The following TATDN3 variants were observed in gnomAD, a reference collection of about 807,000 sequenced individuals.
TATDN3 encodes deoxyribonuclease TATDN3.
Under a neutral mutation model 40.1 loss-of-function variants are expected in TATDN3, and 29 were observed. That is an observed-to-expected ratio of 0.72 (90% CI 0.54 to 0.99). The LOEUF (loss-of-function observed/expected upper bound fraction) is 0.99, where lower values mean the gene tolerates loss of function less well. Ranked by LOEUF, TATDN3 falls within the 50% of genes least tolerant of loss-of-function variation. The pLI, the probability that TATDN3 is intolerant of heterozygous loss-of-function variation, is 0.00. For missense variants in TATDN3, 309 were observed against 321.9 expected (o/e 0.96, Z 0.31); for synonymous variants, 105 against 117.0 (o/e 0.90, Z 0.66).
chr1:212,808,403 A>G lies in TATDN3; in HGVS notation c.600+555A>G, dbSNP rs1259770522. Reference sequence around the variant, plus strand: ...TAGGCTGTGGCTTCTTAGATAGGTCATTAAAATCGTAAGCAACCAAAGAAA... The same window carrying G: ...TAGGCTGTGGCTTCTTAGATAGGTCGTTAAAATCGTAAGCAACCAAAGAAA... On this transcript the variant is annotated intron_variant, in intron 8 of 9. Coordinates refer to ENST00000366974, the MANE Select transcript of TATDN3 (RefSeq NM_001042552.3). 2.0e-5 allele frequency among the ~76,000 whole-genome samples: 3 copies of G among 152,142 alleles called. No homozygotes were observed. In the East Asian group the frequency reaches 5.8e-4, roughly 29 times the overall value.
rs1239050908 is a variant in TATDN3, at chr1:212,816,329, T to G, written c.*1173T>G. ...ACCTATCTCTAAAAATGTAAATAAA[T>G]AAAAATCTCAAAAAAATTAAAAATC... On this transcript the variant is annotated 3_prime_UTR_variant, in exon 10 of 10. Coordinates refer to ENST00000366974, the MANE Select transcript of TATDN3 (RefSeq NM_001042552.3). 2 of 152,200 alleles carry G rather than the reference T, an allele frequency of 1.3e-5. No homozygotes were observed. The highest frequency in any genetic ancestry group is 4.8e-5 in the African/African-American group (2 of 41,506). The allele number at this position is 152,200 out of a possible 1,614,324, so 9.4% of individuals were successfully genotyped here.
chr1:212,815,244 A>AGAAG lies in TATDN3; in HGVS notation c.*89_*92dup. Reference sequence around the variant, plus strand: ...TGTTCTGATGAAGAATCTGAACTGAAGAAGCTGTTTTATAGGGTTATAGAA... The same window carrying AGAAG: ...TGTTCTGATGAAGAATCTGAACTGAAGAAGGAAGCTGTTTTATAGGGTTATAGAA... On this transcript the variant is annotated 3_prime_UTR_variant, in exon 10 of 10. Coordinates refer to ENST00000366974, the MANE Select transcript of TATDN3 (RefSeq NM_001042552.3). 1 of 1,440,038 alleles carries AGAAG rather than the reference A, an allele frequency of 6.9e-7. No homozygotes were observed. The highest frequency in any genetic ancestry group is 9.3e-7 in the Non-Finnish European group (1 of 1,074,912). The allele number at this position is 1,440,038 out of a possible 1,614,324, so 89.2% of individuals were successfully genotyped here.
At chr1:212,799,772 C>G (rs1558078702) in intron 4 of TATDN3, among the ~76,000 whole-genome samples, 2 of 152,172 alleles carry the variant, frequency 1.3e-5, no homozygotes, top group Admixed American at 1.3e-4. Context: ...CTCCTGGCCT[C>G]AAGTGATCCA....
intron 7 of TATDN3, among the ~76,000 whole-genome samples, chr1:212,806,165 G>T (rs1662451193): frequency 1.3e-5 from 2 of 152,070 alleles, no homozygotes; most frequent in Non-Finnish European, 2.9e-5. Flanking sequence ...AATAACTGGG[G>T]ATAGTTTTAT....
intron 8 of TATDN3, among the ~76,000 whole-genome samples, chr1:212,811,564 T>C (rs1662878273): frequency 6.6e-6 from 1 of 151,906 alleles, no homozygotes; most frequent in Non-Finnish European, 1.5e-5. Context: ...ACAACCGGCC[T>C]ATCAGTTGAA....
intron 4 of TATDN3, 120 bp downstream of exon 4, chr1:212,797,316 A>G (rs1287362460): frequency 1.4e-6 from 1 of 713,982 alleles, no homozygotes; most frequent in Non-Finnish European, 2.3e-6. Context: ...AGGAAACATT[A>G]CCTTCTTTAA....
chr1:212,795,128 G>A lies in TATDN3; in HGVS notation c.99+1G>A. The A allele has an allele frequency of 6.2e-7, 1 of 1,611,184 alleles. No individual in the cohort carries two copies. Among genetic ancestry groups the A allele is most frequent in the Non-Finnish European group, 8.5e-7 (1 of 1,178,024 alleles). ...TGATGTGTTGGAGAAAGCCAAGAAG[G>A]TAAGTCAATATTTGTAATTGCTCTT... On this transcript the variant is annotated splice_donor_variant, in intron 2 of 9. Coordinates refer to ENST00000366974, the MANE Select transcript of TATDN3 (RefSeq NM_001042552.3). LOFTEE classifies it high-confidence loss of function.
chr1:212,812,869 G>T (rs557485838), intron 9 of TATDN3, among the ~76,000 whole-genome samples: 1 of 152,088 alleles, frequency 6.6e-6, no homozygotes, highest in Non-Finnish European at 1.5e-5. Context: ...GCTGGGCGTG[G>T]TGGCACATGC....
intron 5 of TATDN3, among the ~76,000 whole-genome samples, chr1:212,803,044 C>T (rs1481318659): frequency 6.6e-6 from 1 of 151,718 alleles, no homozygotes; most frequent in African/African-American, 2.4e-5. Flanking sequence ...GGTCCTTGCT[C>T]TGGTGAGTTA....
chr1:212,803,806 C>T (rs899422746), intron 5 of TATDN3, among the ~76,000 whole-genome samples: 8 of 151,782 alleles, frequency 5.3e-5, no homozygotes, highest in Admixed American at 1.3e-4. Flanking sequence ...GAGGCTAAGG[C>T]GGGCTGATCA....
chr1:212,802,366 T>A (rs1437435581), intron 4 of TATDN3, among the ~76,000 whole-genome samples: 1 of 152,202 alleles, frequency 6.6e-6, no homozygotes, highest in African/African-American at 2.4e-5. Context: ...GACTCCCTGG[T>A]GGTTTGCCTC....
chr1:212,813,578 T>G (rs1663020808), intron 9 of TATDN3, among the ~76,000 whole-genome samples: 2 of 151,118 alleles, frequency 1.3e-5, no homozygotes, highest in Non-Finnish European at 3.0e-5. Flanking sequence ...TTTTTTTTTT[T>G]TTTTTGAGAC....
intron 1 of TATDN3, among the ~76,000 whole-genome samples, chr1:212,792,377 A>C (rs955267561): frequency 1.3e-5 from 2 of 151,358 alleles, no homozygotes; most frequent in Non-Finnish European, 2.9e-5. Flanking sequence ...CACGCCCGTA[A>C]TCCCAGCACT....
intron 8 of TATDN3, among the ~76,000 whole-genome samples, chr1:212,811,289 C>T (rs1015385799): frequency 1.2e-4 from 18 of 151,972 alleles, no homozygotes; most frequent in East Asian, 9.7e-4. Context: ...GCCACCACTA[C>T]GCCCGGCTAA....
chr1:212,798,125 G>C (rs147266720), intron 4 of TATDN3, among the ~76,000 whole-genome samples: 1 of 152,190 alleles, frequency 6.6e-6, no homozygotes, highest in East Asian at 1.9e-4. Context: ...AGGAGATTGA[G>C]ACCTTCCTGG....
intron 1 of TATDN3, chr1:212,794,675 A>G (rs952380909): frequency 8.8e-6 from 4 of 453,940 alleles, no homozygotes; most frequent in Admixed American, 2.4e-5. Context: ...AAGTGCAGAG[A>G]GAGGAGCAGA....
intron 3 of TATDN3, chr1:212,796,878 A>G (rs2102434782): frequency 2.0e-6 from 1 of 492,056 alleles, no homozygotes; most frequent in Non-Finnish European, 3.6e-6. Context: ...CTGGGTCTAA[A>G]GCATGCACCA....
chr1:212,812,824 G>A (rs1662968902), intron 9 of TATDN3, among the ~76,000 whole-genome samples: 1 of 152,180 alleles, frequency 6.6e-6, no homozygotes, highest in South Asian at 2.1e-4. Flanking sequence ...CTAACATGGA[G>A]AAACCCTGTC....
chr1:212,807,981 T>C (rs1662641180), intron 8 of TATDN3, 133 bp downstream of exon 8: 2 of 569,700 alleles, frequency 3.5e-6, no homozygotes, highest in East Asian at 6.5e-5. Context: ...CACATATATA[T>C]AAAAATGAAC....
Sources: gnomAD v4.1 joint callset for allele counts (sites outside exome capture counted in the v4.1 genomes callset) on GRCh38, gnomAD v4.1.1 for gene constraint, MANE v1.5 for transcripts, NCBI Gene and HGNC (gene_info 2026-07-23, HGNC 2026-07-21) for gene names.